SYNE1: variants seen among roughly 807,000 people sequenced by gnomAD.
SYNE1 encodes spectrin repeat containing nuclear envelope protein 1.
A neutral mutation model predicts 1,111.0 loss-of-function variants in SYNE1; 616 were observed. The ratio of observed to expected loss-of-function variants is 0.55; its 90% CI spans 0.52 to 0.59. The LOEUF is 0.59. Ranked by LOEUF, SYNE1 falls within the 20% of genes least tolerant of loss-of-function variation. The pLI is 0.00. For missense variants in SYNE1, 10,006 were observed against 10,417.0 expected (o/e 0.96, Z 1.72); for synonymous variants, 3,855 against 3,825.8 (o/e 1.01, Z -0.28).
chr6:152,538,413 G>A (rs1322519594), intron 4 of SYNE1, among the ~76,000 whole-genome samples: 1 of 152,128 alleles, frequency 6.6e-6, no homozygotes, highest in Non-Finnish European at 1.5e-5. Flanking sequence ...CGTGTTGGGT[G>A]AAATAGAGGC....
At chr6:152,574,341 C>G (rs1390000924) in intron 3 of SYNE1, among the ~76,000 whole-genome samples, 1 of 151,744 alleles carries the variant, frequency 6.6e-6, no homozygotes, top group Non-Finnish European at 1.5e-5. Context: ...AGAGTTGCCT[C>G]AGAAACGTGT....
chr6:152,380,927 A>G, intron 56 of SYNE1, 79 bp downstream of exon 56: 1 of 1,279,024 alleles, frequency 7.8e-7, no homozygotes, highest in Non-Finnish European at 1.1e-6. Context: ...AGTTAGCAAG[A>G]TTTTTTTTTT....
intron 117 of SYNE1, among the ~76,000 whole-genome samples, chr6:152,223,740 C>T (rs1008706769): frequency 9.2e-5 from 14 of 152,234 alleles, no homozygotes; most frequent in South Asian, 8.3e-4. Flanking sequence ...GCCAGGGAGG[C>T]GGACTAGATA....
At position 152,350,664 on chromosome 6, in the gene SYNE1, A is replaced by G. The variant is rs2096725880; in HGVS notation, c.11687T>C (p.Ile3896Thr). The G allele has an allele frequency of 1.2e-6, 2 of 1,613,916 alleles. No homozygotes were observed. The highest frequency in any genetic ancestry group is 1.1e-5 in the South Asian group (1 of 91,064). ...CTGGTAATCACTTTGAAGTTGATCT[A>G]TTTTGTCCTTTAAAGTGACGTCCTG... ...LVQDVTLKDK[I>T]DQLQSDYQDL... Residue 3896 changes from isoleucine (I) to threonine (T), a missense_variant, in exon 71 of 146, where the codon ATA becomes ACA. Transcript: ENST00000367255.
Position 152,310,496 on chromosome 6 carries a change from T to G in SYNE1, c.16919A>C (p.Glu5640Ala). 1.2e-6 allele frequency: 2 copies of G among 1,614,116 alleles called. No homozygotes were observed. The highest frequency in any genetic ancestry group is 1.7e-6 in the Non-Finnish European group (2 of 1,180,014). Residue 5640 changes from glutamate to alanine, a missense_variant, in exon 89 of 146, where the codon GAG becomes GCG. Coordinates refer to ENST00000367255, the MANE Select transcript of SYNE1 (RefSeq NM_182961.4). ...CAAGGCAGCTTGTAACTTTTTCAACTCTGCTTCAAATTTTTTCATATCCTA... is the reference window on the plus strand; with the variant it reads ...CAAGGCAGCTTGTAACTTTTTCAACGCTGCTTCAAATTTTTTCATATCCTA... ...AAKDMKKFEA[E>A]LKKLQAALEQ...
intron 110 of SYNE1, among the ~76,000 whole-genome samples, chr6:152,235,412 A>G (rs980349877): frequency 2.0e-5 from 3 of 152,050 alleles, no homozygotes; most frequent in Admixed American, 1.3e-4. Flanking sequence ...CCCAGGCTGG[A>G]GTGCAATGGC....
At chr6:152,350,363 G>T (rs749491819) in intron 71 of SYNE1, 28 bp from the exon 72 acceptor site, 3 of 1,613,964 alleles carry the variant, frequency 1.9e-6, no homozygotes, top group South Asian at 2.2e-5. Context: ...CATCAGAGAT[G>T]ACTTTCAAGT....
intron 41 of SYNE1, among the ~76,000 whole-genome samples, chr6:152,415,483 C>T (rs1385826464): frequency 2.6e-5 from 4 of 152,108 alleles, no homozygotes; most frequent in Non-Finnish European, 5.9e-5. Context: ...ATTTTCTTTC[C>T]TCCAACATCT....
In SYNE1 at chr6:152,141,315, G is replaced by T. The variant is rs576598951; in HGVS notation, c.25134C>A (p.Gly8378=). ...TSYKGYMKLL[G]ECSSSIDSVK... Reference sequence around the variant, plus strand: ...CGGAGTCTATACTGCTACTGCATTCGCCCAGCAGTTTCATCTGTTTAGACA... The same window carrying T: ...CGGAGTCTATACTGCTACTGCATTCTCCCAGCAGTTTCATCTGTTTAGACA... The change falls in exon 139 of 146, where the codon GGC becomes GGA. Residue 8378 remains glycine (G), a synonymous_variant. Coordinates refer to ENST00000367255, the MANE Select transcript of SYNE1 (RefSeq NM_182961.4). The T allele has an allele frequency of 1.2e-6, 2 of 1,613,952 alleles. No homozygotes were observed. Among genetic ancestry groups the T allele is most frequent in the Admixed American group, 1.7e-5 (1 of 60,024 alleles).
chr6:152,253,818 G>GTTTTTTTTTT (rs35951972), intron 104 of SYNE1, among the ~76,000 whole-genome samples: 16 of 74,862 alleles, frequency 2.1e-4, no homozygotes, highest in Non-Finnish European at 3.5e-4. Context: ...TAGTGGTTTG[G>GTTTTTTTTTT]TTTTTTTTTT....
chr6:152,224,430 T>G (rs1415575917), intron 117 of SYNE1, 64 bp downstream of exon 117: 1 of 1,394,188 alleles, frequency 7.2e-7, no homozygotes, highest in African/African-American at 1.4e-5. Context: ...TGTCTCCATT[T>G]GGTAATTTTT....
chr6:152,137,780 T>C (rs534689279), intron 140 of SYNE1, among the ~76,000 whole-genome samples: 6 of 152,340 alleles, frequency 3.9e-5, no homozygotes, highest in African/African-American at 1.2e-4. Context: ...TACTGTAGAA[T>C]AGATTCAACC....
At position 152,352,278 on chromosome 6, in the gene SYNE1, A is replaced by G; in HGVS notation, c.11329T>C (p.Tyr3777His). ...CTCTCTGCCTCGCCTTCCTCCAAGT[A>G]TTTAACAGCCCTCTCTCCTTTCTCC... Reference protein sequence around the residue: ...AREKGERAVKYLEEGEAERLR... With the variant: ...AREKGERAVKHLEEGEAERLR... Residue 3777 changes from tyrosine (Y) to histidine (H), a missense_variant, in exon 70 of 146, where the codon TAC (tyrosine) becomes CAC (histidine). Tyr to His is a moderately conservative substitution (Grantham distance 83, BLOSUM62 2). Transcript: ENST00000367255. The G allele has an allele frequency of 6.2e-7, 1 of 1,614,088 alleles. No homozygotes were observed. The highest frequency in any genetic ancestry group is 8.5e-7 in the Non-Finnish European group (1 of 1,180,014).
At chr6:152,482,424 G>C (rs779376953) in intron 14 of SYNE1, among the ~76,000 whole-genome samples, 1 of 152,010 alleles carries the variant, frequency 6.6e-6, no homozygotes, top group Non-Finnish European at 1.5e-5. Flanking sequence ...ACATATGCAG[G>C]AATACCCCAC....
intron 93 of SYNE1, among the ~76,000 whole-genome samples, chr6:152,296,412 C>T (rs1308155917): frequency 1.3e-5 from 2 of 152,122 alleles, no homozygotes; most frequent in African/African-American, 4.8e-5. Flanking sequence ...CAAAAGGAAC[C>T]AATTTAGGAA....
intron 124 of SYNE1, among the ~76,000 whole-genome samples, chr6:152,209,234 A>G (rs1274478137): frequency 3.3e-5 from 5 of 152,190 alleles, no homozygotes; most frequent in Non-Finnish European, 5.9e-5. Flanking sequence ...TGGACTTGCT[A>G]TTGTGAACTT....
chr6:152,495,669 TGTC>T (rs1402980206), intron 11 of SYNE1, among the ~76,000 whole-genome samples: 1 of 152,178 alleles, frequency 6.6e-6, no homozygotes, highest in Non-Finnish European at 1.5e-5. Context: ...AATGACCTGC[TGTC>T]ATAACCATTT....
intron 104 of SYNE1, among the ~76,000 whole-genome samples, chr6:152,251,777 T>A (rs1186438072): frequency 6.6e-6 from 1 of 151,860 alleles, no homozygotes; most frequent in East Asian, 1.9e-4. Flanking sequence ...TAAAAATAAA[T>A]AAAAATAAAA....
At chr6:152,169,479 G>A (rs796589971) in intron 130 of SYNE1, among the ~76,000 whole-genome samples, 16 of 147,518 alleles carry the variant, frequency 1.1e-4, no homozygotes, top group East Asian at 2.0e-4. Flanking sequence ...GGAGAATGGC[G>A]TGAACCTGGG....
Sources: allele counts gnomAD v4.1 joint callset (sites outside exome capture counted in the v4.1 genomes callset), GRCh38; gene constraint gnomAD v4.1.1; transcripts MANE v1.5; gene names NCBI Gene and HGNC (gene_info 2026-07-23, HGNC 2026-07-21).